SSH2: variants seen among roughly 807,000 people sequenced by gnomAD.
The protein encoded by SSH2 is protein phosphatase Slingshot homolog 2.
Under a neutral mutation model 135.2 loss-of-function variants are expected in SSH2, and 37 were observed. The ratio of observed to expected loss-of-function variants is 0.27; its 90% CI spans 0.21 to 0.36. SSH2 has a LOEUF of 0.36. Among genes scored for constraint, SSH2 ranks in the 10% least tolerant of loss-of-function variants. The pLI is 1.00. For synonymous variants in SSH2, 628 were observed against 646.2 expected, an observed-to-expected ratio of 0.97 and a Z score of 0.43; for missense variants, 1,408 against 1,765.3, an observed-to-expected ratio of 0.80 and a Z score of 3.63.
chr17:29,731,223 A>G (rs2040179996), intron 3 of SSH2, among the ~76,000 whole-genome samples: 1 of 152,208 alleles, frequency 6.6e-6, no homozygotes, highest in South Asian at 2.1e-4. Context: ...TCTGTCACTA[A>G]TGAATTATAT....
chr17:29,729,583 C>T (rs1055816551), intron 3 of SSH2, among the ~76,000 whole-genome samples: 7 of 152,186 alleles, frequency 4.6e-5, no homozygotes, highest in Non-Finnish European at 1.0e-4. Context: ...GATATCTGTA[C>T]TTCCATGTTC....
At chr17:29,863,820 C>T (rs2065806187) in intron 1 of SSH2, 1 of 152,182 alleles carries the variant, frequency 6.6e-6, no homozygotes, top group African/African-American at 2.4e-5. Context: ...TATGTCTGCA[C>T]TTCTACAGAT....
At chr17:29,691,725 C>T (rs183220599) in intron 5 of SSH2, among the ~76,000 whole-genome samples, 186 of 151,784 alleles carry the variant, frequency 1.2e-3, no homozygotes, top group African/African-American at 4.3e-3. Context: ...CTCCTGAACT[C>T]GTGATCCACC....
At chr17:29,876,330 A>G (rs187405139) in intron 1 of SSH2, among the ~76,000 whole-genome samples, 145 of 152,326 alleles carry the variant, frequency 9.5e-4, no homozygotes, top group African/African-American at 3.4e-3. Context: ...GAATCCAGAA[A>G]GAAATCCACA....
At chr17:29,647,976 C>T (rs2036444710) in intron 14 of SSH2, 168 bp downstream of exon 14, 1 of 697,060 alleles carries the variant, frequency 1.4e-6, no homozygotes, top group Non-Finnish European at 2.4e-6. Flanking sequence ...CCATGCAAAT[C>T]TTAAATGCTT....
chr17:29,908,953 T>A (rs1425070957), intron 1 of SSH2, among the ~76,000 whole-genome samples: 1 of 151,588 alleles, frequency 6.6e-6, no homozygotes, highest in African/African-American at 2.4e-5. Flanking sequence ...GGCGGGTGCC[T>A]GTAGTCCCAG....
At chr17:29,761,834 C>T (rs2041317043) in intron 3 of SSH2, among the ~76,000 whole-genome samples, 1 of 139,650 alleles carries the variant, frequency 7.2e-6, no homozygotes, top group Admixed American at 7.1e-5. Flanking sequence ...AGATTACACT[C>T]ACATACATAT....
chr17:29,701,152 T>C (rs545661865), intron 4 of SSH2, among the ~76,000 whole-genome samples: 1 of 152,218 alleles, frequency 6.6e-6, no homozygotes, highest in Admixed American at 6.5e-5. Context: ...TTTAAATTTT[T>C]AGTAGAGACG....
intron 2 of SSH2, among the ~76,000 whole-genome samples, chr17:29,806,727 T>G (rs1408049389): frequency 6.6e-6 from 1 of 152,228 alleles, no homozygotes; most frequent in African/African-American, 2.4e-5. Flanking sequence ...CCATACTAGT[T>G]GTGAAATATT....
At chr17:29,779,596 T>C (rs982507610) in intron 3 of SSH2, among the ~76,000 whole-genome samples, 1 of 151,678 alleles carries the variant, frequency 6.6e-6, no homozygotes, top group Non-Finnish European at 1.5e-5. Flanking sequence ...TCCCAGCACT[T>C]TGGGGTCAGG....
intron 3 of SSH2, among the ~76,000 whole-genome samples, chr17:29,785,491 A>ATTTTTTTTTTTTTTTTTTTTTTTTTT (rs34346245): frequency 5.1e-5 from 4 of 78,498 alleles, no homozygotes; most frequent in African/African-American, 5.3e-5. Context: ...TTGGCGTTTC[A>ATTTTTTTTTTTTTTTTTTTTTTTTTT]TTTTTTTTTT....
intron 2 of SSH2, among the ~76,000 whole-genome samples, chr17:29,802,415 A>G (rs1408231122): frequency 1.3e-5 from 2 of 152,128 alleles, no homozygotes; most frequent in Non-Finnish European, 2.9e-5. Context: ...GTGACTAACT[A>G]TGGTGTTGGG....
In SSH2 at chr17:29,799,656, A is replaced by G. The variant is rs541416158; in HGVS notation, c.145-5719T>C. The stretch of plus-strand genomic sequence containing the variant: ...AGTTTTTTGGTGGATTTTTCTACCT[A>G]TGAGAATTGTGATGAGAATATGTGG... On this transcript the variant is annotated intron_variant, in intron 2 of 15. Transcript: ENST00000540801. 1.1e-4 allele frequency among the ~76,000 whole-genome samples: 17 copies of G among 152,302 alleles called. No individual in the cohort carries two copies. In the East Asian group the frequency reaches 3.3e-3, roughly 29 times the overall value.
At chr17:29,658,984 T>C (rs1250213249) in intron 11 of SSH2, among the ~76,000 whole-genome samples, 1 of 151,494 alleles carries the variant, frequency 6.6e-6, no homozygotes, top group African/African-American at 2.4e-5. Flanking sequence ...TTTGAAAAAA[T>C]ATAAGCAAAC....
chr17:29,889,802 C>CAAA (rs534822390), intron 1 of SSH2, among the ~76,000 whole-genome samples: 5 of 49,468 alleles, frequency 1.0e-4, no homozygotes, highest in South Asian at 6.8e-4. Flanking sequence ...CCATCTCTAC[C>CAAA]AAAAAAAAAA....
chr17:29,722,646 T>C (rs538699490), intron 3 of SSH2, among the ~76,000 whole-genome samples: 2 of 152,300 alleles, frequency 1.3e-5, no homozygotes, highest in African/African-American at 4.8e-5. Flanking sequence ...GATAGTAATA[T>C]TGTGGGTGAT....
chr17:29,694,340 G>A (rs147543189), intron 5 of SSH2, among the ~76,000 whole-genome samples: 1 of 152,290 alleles, frequency 6.6e-6, no homozygotes, highest in East Asian at 1.9e-4. Flanking sequence ...TACTACAACA[G>A]TGCAGGAATG....
intron 1 of SSH2, among the ~76,000 whole-genome samples, chr17:29,877,099 TG>T (rs1195118583): frequency 3.3e-5 from 5 of 151,966 alleles, no homozygotes; most frequent in African/African-American, 1.2e-4. Context: ...GACATACAAA[TG>T]GCAAACAGGC....
chr17:29,640,105 G>A (rs964934883), intron 14 of SSH2, among the ~76,000 whole-genome samples: 1 of 149,748 alleles, frequency 6.7e-6, no homozygotes. Context: ...TTGAGACGGA[G>A]TCTCGCTCTG....
Sources: allele counts gnomAD v4.1 joint callset (sites outside exome capture counted in the v4.1 genomes callset), GRCh38; gene constraint gnomAD v4.1.1; transcripts MANE v1.5; gene names NCBI Gene and HGNC (gene_info 2026-07-23, HGNC 2026-07-21).